WASF2: variants seen among roughly 807,000 people sequenced by gnomAD.
WASF2 encodes actin-binding protein WASF2.
A neutral mutation model predicts 45.0 loss-of-function variants in WASF2; 14 were observed. The ratio of observed to expected loss-of-function variants is 0.31; its 90% CI spans 0.21 to 0.49. WASF2 has a LOEUF of 0.49. Ranked by LOEUF, WASF2 falls within the 20% of genes least tolerant of loss-of-function variation. WASF2 has a pLI of 0.99. For missense variants in WASF2, 439 were observed against 636.1 expected, an observed-to-expected ratio of 0.69 and a Z score of 3.33; for synonymous variants, 200 against 236.3, an observed-to-expected ratio of 0.85 and a Z score of 1.41.
At chr1:27,470,330 C>G (rs1392328331) in intron 1 of WASF2, among the ~76,000 whole-genome samples, 2 of 152,068 alleles carry the variant, frequency 1.3e-5, no homozygotes, top group African/African-American at 2.4e-5. Context: ...TACACCTCAC[C>G]TAAGTTTAGT....
intron 2 of WASF2, among the ~76,000 whole-genome samples, chr1:27,420,039 G>A (rs189208158): frequency 1.3e-5 from 2 of 152,114 alleles, no homozygotes; most frequent in East Asian, 3.9e-4. Context: ...CGAGTAACTG[G>A]GATTACAGAT....
intron 1 of WASF2, among the ~76,000 whole-genome samples, chr1:27,480,288 G>A (rs1486544078): frequency 6.6e-6 from 1 of 151,958 alleles, no homozygotes; most frequent in African/African-American, 2.4e-5. Context: ...AGGCCGAATT[G>A]GGCAGATCAC....
intron 1 of WASF2, among the ~76,000 whole-genome samples, chr1:27,487,888 G>C (rs560118357): frequency 6.7e-6 from 1 of 149,170 alleles, no homozygotes; most frequent in African/African-American, 2.5e-5. Flanking sequence ...AAAATGCTCT[G>C]ATTTTTAAAC....
chr1:27,456,234 ATGGCGTGAACCCAGG>A (rs1165677719), intron 1 of WASF2, among the ~76,000 whole-genome samples: 1 of 149,972 alleles, frequency 6.7e-6, no homozygotes, highest in Admixed American at 6.7e-5. Flanking sequence ...AGGCAGGAGA[ATGGCGTGAACCCAGG>A]AGGCAGAGCT....
chr1:27,444,068 C>T (rs914393362), intron 1 of WASF2, among the ~76,000 whole-genome samples: 6 of 152,120 alleles, frequency 3.9e-5, no homozygotes, highest in South Asian at 2.1e-4. Context: ...CATGAGCCAC[C>T]GCGCCTGGCC....
chr1:27,428,882 T>C lies in WASF2; in HGVS notation c.9A>G (p.Leu3=). The C allele has an allele frequency of 1.9e-6, 3 of 1,613,984 alleles. No homozygotes were observed. Among genetic ancestry groups the C allele is most frequent in the Non-Finnish European group, 2.5e-6 (3 of 1,179,978 alleles). Residue 3 remains leucine (L), a synonymous_variant, in exon 2 of 9, where the codon TTA becomes TTG. Transcript: ENST00000618852. ...GCCTTGGCTCGATGTTCCTCGTTAC[T>C]AACGGCATGGTGGACCTGCTTCAGG... MP[L]VTRNIEPRHL... is the part of the protein sequence containing the mutation.
intron 1 of WASF2, among the ~76,000 whole-genome samples, chr1:27,461,077 C>A (rs2017537774): frequency 6.6e-6 from 1 of 151,968 alleles, no homozygotes; most frequent in Non-Finnish European, 1.5e-5. Flanking sequence ...ACCCGGGAGG[C>A]GGAGCTTGCA....
intron 1 of WASF2, among the ~76,000 whole-genome samples, chr1:27,487,446 T>G (rs2017947066): frequency 2.5e-5 from 3 of 121,194 alleles, no homozygotes; most frequent in Non-Finnish European, 4.9e-5. Context: ...TATATACAAA[T>G]ATAAATATAT....
At position 27,406,566 on chromosome 1, in the gene WASF2, C is replaced by T. The variant is rs1466016247; in HGVS notation, c.*1623G>A. On this transcript the variant is annotated 3_prime_UTR_variant, in exon 9 of 9. Transcript: ENST00000618852. The stretch of plus-strand genomic sequence containing the variant: ...CTCTTTGTTTCAGGGCTCTGAAAGC[C>T]GGAGAAGCCAGCAGAAGCCGATTTC... 5 of 152,584 alleles carry T rather than the reference C, an allele frequency of 3.3e-5. No homozygotes were observed. The highest frequency in any genetic ancestry group is 2.9e-5 in the Non-Finnish European group (2 of 68,058). The allele number at this position is 152,584 out of a possible 1,614,324, so 9.5% of individuals were successfully genotyped here.
Position 27,408,004 on chromosome 1 carries a change from G to A in WASF2, c.*185C>T, listed in dbSNP as rs527310691. 298 of 621,964 alleles carry A rather than the reference G, an allele frequency of 4.8e-4. 1 individual carries two copies. The African/African-American group carries it at 5.3e-3, about 11-fold the overall frequency. The allele number at this position is 621,964 out of a possible 1,614,324, so 38.5% of individuals were successfully genotyped here. ...GAGCCCCACAGGGCCTGAAAATGGG[G>A]AGAGGAAATACATGTTGACTTGGAG... On this transcript the variant is annotated 3_prime_UTR_variant, in exon 9 of 9. Transcript: ENST00000618852.
chr1:27,449,374 C>T (rs1323828840), intron 1 of WASF2, among the ~76,000 whole-genome samples: 9 of 151,780 alleles, frequency 5.9e-5, no homozygotes, highest in Non-Finnish European at 1.2e-4. Flanking sequence ...AAGGAGGGCC[C>T]TATCACTTGA....
chr1:27,428,668 G>T (rs879527291), intron 2 of WASF2, 93 bp downstream of exon 2: 73 of 1,594,194 alleles, frequency 4.6e-5, no homozygotes, highest in Non-Finnish European at 5.9e-5. Flanking sequence ...GAAGGCAGAT[G>T]GGGGAGAAAT....
chr1:27,457,141 G>A (rs4500341), intron 1 of WASF2: 115,809 of 151,902 alleles, frequency 0.76, 47,063 homozygotes, highest in Non-Finnish European at 0.9. Flanking sequence ...GCCTCCGAAT[G>A]TGCTGGGATT....
rs912755998 is a variant in WASF2, at chr1:27,405,716, G to C, written c.*2473C>G. The C allele has an allele frequency of 6.8e-6, 1 of 147,320 alleles. No homozygotes were observed. The highest frequency in any genetic ancestry group is 1.5e-5 in the Non-Finnish European group (1 of 67,302). The allele number at this position is 147,320 out of a possible 1,614,324, so 9.1% of individuals were successfully genotyped here. A position where few individuals can be genotyped will look rare whatever the true frequency, so the allele number is the denominator to read the frequency against. ...CGAGCTGAGGAGGCTTCGCAAGGCC[G>C]GCTGCTACAAAGTGCCGAGCTTGGC... On this transcript the variant is annotated 3_prime_UTR_variant, in exon 9 of 9. Transcript: ENST00000618852.
At chr1:27,411,018 A>G (rs1176725430) in intron 7 of WASF2, among the ~76,000 whole-genome samples, 1 of 152,114 alleles carries the variant, frequency 6.6e-6, no homozygotes, top group Non-Finnish European at 1.5e-5. Context: ...CCATTTTGGA[A>G]TTTTCCACAG....
chr1:27,422,377 T>C (rs1296615067), intron 2 of WASF2, among the ~76,000 whole-genome samples: 2 of 152,030 alleles, frequency 1.3e-5, no homozygotes, highest in Non-Finnish European at 2.9e-5. Context: ...CCCAGCACTT[T>C]GGGAGGCTGA....
intron 1 of WASF2, among the ~76,000 whole-genome samples, chr1:27,468,854 C>T (rs2017651170): frequency 7.0e-6 from 1 of 143,546 alleles, no homozygotes; most frequent in Non-Finnish European, 1.5e-5. Context: ...GTGGTGGAGG[C>T]GGAGGTTGCA....
intron 1 of WASF2, among the ~76,000 whole-genome samples, chr1:27,476,857 C>A (rs989263597): frequency 6.6e-6 from 1 of 152,174 alleles, no homozygotes; most frequent in African/African-American, 2.4e-5. Flanking sequence ...GTGCAAGGCT[C>A]TGTGTGTTCA....
intron 1 of WASF2, among the ~76,000 whole-genome samples, chr1:27,488,317 C>G (rs1445007115): frequency 1.3e-5 from 2 of 152,298 alleles, no homozygotes; most frequent in South Asian, 2.1e-4. Context: ...ACAATCTTCA[C>G]TCATTAGAAG....
Sources: allele counts gnomAD v4.1 joint callset (sites outside exome capture counted in the v4.1 genomes callset), GRCh38; gene constraint gnomAD v4.1.1; transcripts MANE v1.5; gene names NCBI Gene and HGNC (gene_info 2026-07-23, HGNC 2026-07-21).